The following DCK variants were observed in gnomAD, a reference collection of about 807,000 sequenced individuals.
DCK encodes the protein deoxycytidine kinase, also known as deoxyadenosine kinase.
In DCK, 23 loss-of-function variants were observed where a neutral mutation model predicts 38.3. The observed-to-expected ratio is 0.60, with a 90% CI of 0.43 to 0.85. DCK has a LOEUF of 0.85. Ranked by LOEUF, DCK falls within the 40% of genes least tolerant of loss-of-function variation. The pLI, the probability that DCK is intolerant of heterozygous loss-of-function variation, is 0.00. For synonymous variants in DCK, 108 were observed against 100.6 expected, an observed-to-expected ratio of 1.07 and a Z score of -0.44; for missense variants, 259 against 304.4, an observed-to-expected ratio of 0.85 and a Z score of 1.11.
At chr4:71,000,226 C>T (rs556246584) in intron 2 of DCK, among the ~76,000 whole-genome samples, 17 of 152,106 alleles carry the variant, frequency 1.1e-4, no homozygotes, top group East Asian at 1.9e-4. Context: ...GTCCAGTTTC[C>T]GTTTTCTGCA....
chr4:71,019,720 T>A (rs1029393550), intron 2 of DCK, among the ~76,000 whole-genome samples: 2 of 152,212 alleles, frequency 1.3e-5, no homozygotes, highest in African/African-American at 4.8e-5. Context: ...TTTCGTAATT[T>A]TTTGAAATTA....
chr4:71,015,808 A>G (rs985006553), intron 2 of DCK, among the ~76,000 whole-genome samples: 1 of 152,216 alleles, frequency 6.6e-6, no homozygotes, highest in African/African-American at 2.4e-5. Flanking sequence ...TATTTATGAC[A>G]AACCCACAGC....
chr4:71,021,152 T>C (rs1304513432), intron 2 of DCK, among the ~76,000 whole-genome samples: 2 of 149,336 alleles, frequency 1.3e-5, no homozygotes, highest in Non-Finnish European at 3.0e-5. Context: ...CTCGGCTCAC[T>C]GCAAGCTCCG....
chr4:71,000,918 T>C (rs1428550803), intron 2 of DCK, among the ~76,000 whole-genome samples: 1 of 152,220 alleles, frequency 6.6e-6, no homozygotes, highest in African/African-American at 2.4e-5. Context: ...GATTATGGGC[T>C]GAGATGATGG....
intron 5 of DCK, 141 bp downstream of exon 5, chr4:71,026,072 A>G (rs554406016): frequency 3.0e-6 from 3 of 1,008,586 alleles, no homozygotes; most frequent in African/African-American, 3.3e-5. Context: ...AGAACTAGGT[A>G]TAGATTTTCA....
At chr4:71,015,566 A>G (rs1032503469) in intron 2 of DCK, among the ~76,000 whole-genome samples, 44 of 152,340 alleles carry the variant, frequency 2.9e-4, no homozygotes, top group African/African-American at 1.0e-3. Context: ...CCAGCAGCAC[A>G]TCAAAAAGCT....
In DCK at chr4:71,006,493, A is replaced by G. The variant is rs1215999358; in HGVS notation, c.207+8311A>G. 3.9e-5 allele frequency among the ~76,000 whole-genome samples: 6 copies of G among 152,130 alleles called. No individual in the cohort carries two copies. In the South Asian group the frequency reaches 8.3e-4, roughly 21 times the overall value. On this transcript the variant is annotated intron_variant, in intron 2 of 6. Coordinates refer to ENST00000286648, the MANE Select transcript of DCK (RefSeq NM_000788.3). ...TGGAATTTTTTTTTTTTTAAGTGAC[A>G]GCAAGTTTATTAGGAAAGTAAAGCA... is the stretch of plus-strand genomic sequence containing the variant.
chr4:71,018,691 G>A (rs1286347365), intron 2 of DCK, among the ~76,000 whole-genome samples: 38 of 110,090 alleles, frequency 3.5e-4, no homozygotes, highest in African/African-American at 1.3e-3. Context: ...TTTTTTTTGA[G>A]ACAAGAGTCT....
intron 2 of DCK, among the ~76,000 whole-genome samples, chr4:71,013,093 C>T (rs1001804908): frequency 6.6e-5 from 10 of 152,018 alleles, no homozygotes; most frequent in Admixed American, 5.2e-4. Context: ...AACCATGGCA[C>T]GAGAACTACA....
chr4:71,026,030 A>C, intron 5 of DCK, 99 bp downstream of exon 5: 10 of 1,351,136 alleles, frequency 7.4e-6, no homozygotes, highest in Non-Finnish European at 9.6e-6. Flanking sequence ...AATATGTAAA[A>C]TTTCCAGTCG....
chr4:71,029,262 A>G (rs1740627624), intron 6 of DCK, 90 bp from the exon 7 acceptor site: 5 of 780,490 alleles, frequency 6.4e-6, no homozygotes, highest in Non-Finnish European at 1.0e-5. Context: ...TGGGGTCTTC[A>G]ACTATTATAT....
chr4:71,014,940 TAG>T (rs1208325646), intron 2 of DCK, among the ~76,000 whole-genome samples: 7 of 151,938 alleles, frequency 4.6e-5, no homozygotes, highest in African/African-American at 1.7e-4. Flanking sequence ...CGGAAGGAAA[TAG>T]AGACACAAAA....
At chr4:71,015,641 A>G (rs1740242156) in intron 2 of DCK, among the ~76,000 whole-genome samples, 2 of 152,256 alleles carry the variant, frequency 1.3e-5, no homozygotes, top group Non-Finnish European at 2.9e-5. Context: ...ACGCAAATCA[A>G]TAAACATAAT....
chr4:71,003,964 G>A (rs752351124), intron 2 of DCK, among the ~76,000 whole-genome samples: 1 of 152,156 alleles, frequency 6.6e-6, no homozygotes, highest in South Asian at 2.1e-4. Flanking sequence ...CTGTCAATTC[G>A]TCACACTTAT....
chr4:71,029,543 C>A lies in DCK; in HGVS notation c.*165C>A. 1 of 574,146 alleles carries A rather than the reference C, an allele frequency of 1.7e-6. No individual in the cohort carries two copies. Among genetic ancestry groups the A allele is most frequent in the East Asian group, 3.1e-5 (1 of 32,642 alleles). The allele number at this position is 574,146 out of a possible 1,614,324, so 35.6% of individuals were successfully genotyped here. On this transcript the variant is annotated 3_prime_UTR_variant, in exon 7 of 7. Transcript: ENST00000286648. Reference sequence around the variant, plus strand: ...ATGAATCTTATGCAAAACTTTTTGACCAGTTTCTTTTCTTTTGTTTTTTTT... The same window carrying A: ...ATGAATCTTATGCAAAACTTTTTGAACAGTTTCTTTTCTTTTGTTTTTTTT...
In DCK at chr4:70,993,699, G is replaced by A. The variant is rs886100166; in HGVS notation, c.-137G>A. 1 of 589,994 alleles carries A rather than the reference G, an allele frequency of 1.7e-6. No homozygotes were observed. Among genetic ancestry groups the A allele is most frequent in the South Asian group, 2.1e-5 (1 of 48,004 alleles). The allele number at this position is 589,994 out of a possible 1,614,324, so 36.5% of individuals were successfully genotyped here. Reference sequence around the variant, plus strand: ...CAAAGTCAAACCCCGACACCCGCCGGCGGGCCGGTGAGCTCACTAGCTGAC... The same window carrying A: ...CAAAGTCAAACCCCGACACCCGCCGACGGGCCGGTGAGCTCACTAGCTGAC... On this transcript the variant is annotated 5_prime_UTR_variant, in exon 1 of 7. Coordinates refer to ENST00000286648, the MANE Select transcript of DCK (RefSeq NM_000788.3).
intron 3 of DCK, among the ~76,000 whole-genome samples, chr4:71,022,835 C>G (rs1740463750): frequency 6.6e-6 from 1 of 152,086 alleles, no homozygotes; most frequent in African/African-American, 2.4e-5. Flanking sequence ...CCCTCTAACC[C>G]TTTTAAAATT....
At chr4:70,994,417 G>A (rs1009314004) in intron 1 of DCK, among the ~76,000 whole-genome samples, 4 of 152,170 alleles carry the variant, frequency 2.6e-5, no homozygotes, top group Admixed American at 1.3e-4. Context: ...GGCACCCACT[G>A]ATTTGATTTC....
intron 3 of DCK, among the ~76,000 whole-genome samples, 176 bp from the exon 4 acceptor site, chr4:71,023,383 C>T (rs774050929): frequency 9.2e-5 from 14 of 152,146 alleles, no homozygotes; most frequent in South Asian, 2.1e-4. Context: ...GTCCTCACTC[C>T]GTATTTTGAG....
Sources: gnomAD v4.1 joint callset for allele counts (sites outside exome capture counted in the v4.1 genomes callset) on GRCh38, gnomAD v4.1.1 for gene constraint, MANE v1.5 for transcripts, NCBI Gene and HGNC (gene_info 2026-07-23, HGNC 2026-07-21) for gene names.